The following NCKAP5 variants were observed in gnomAD, a reference collection of about 807,000 sequenced individuals.
The protein encoded by NCKAP5 is NCK associated protein 5.
In NCKAP5, 92 loss-of-function variants were observed where a neutral mutation model predicts 167.0. The observed-to-expected ratio is 0.55, with a 90% CI of 0.47 to 0.66. NCKAP5 has a LOEUF of 0.66. Ranked by LOEUF, NCKAP5 falls within the 30% of genes least tolerant of loss-of-function variation. The pLI, the probability that NCKAP5 is intolerant of heterozygous loss-of-function variation, is 0.00. For missense variants in NCKAP5, 2,378 were observed against 2,315.0 expected (o/e 1.03, Z -0.56); for synonymous variants, 891 against 877.4 (o/e 1.02, Z -0.27).
intron 2 of NCKAP5, among the ~76,000 whole-genome samples, chr2:133,521,464 G>C (rs1248466168): frequency 6.6e-6 from 1 of 152,240 alleles, no homozygotes; most frequent in Non-Finnish European, 1.5e-5. Flanking sequence ...ATATTAGTCA[G>C]CTTGAGCTGT....
At chr2:133,559,905 G>A (rs1688039328) in intron 1 of NCKAP5, among the ~76,000 whole-genome samples, 1 of 152,102 alleles carries the variant, frequency 6.6e-6, no homozygotes, top group Non-Finnish European at 1.5e-5. Flanking sequence ...AAACAAAAAG[G>A]CACATTACTA....
intron 10 of NCKAP5, among the ~76,000 whole-genome samples, chr2:132,865,039 C>A (rs986597189): frequency 1.3e-5 from 2 of 152,046 alleles, no homozygotes; most frequent in Non-Finnish European, 2.9e-5. Context: ...CTAATGGCCA[C>A]CAAAACCACC....
chr2:133,253,150 C>T (rs767495309), intron 4 of NCKAP5, among the ~76,000 whole-genome samples: 3 of 152,214 alleles, frequency 2.0e-5, no homozygotes, highest in Admixed American at 6.5e-5. Context: ...TTCCACTCAA[C>T]GATGCAAAGT....
At chr2:132,746,311 G>A (rs1679640196) in intron 16 of NCKAP5, among the ~76,000 whole-genome samples, 1 of 152,032 alleles carries the variant, frequency 6.6e-6, no homozygotes, top group African/African-American at 2.4e-5. Flanking sequence ...AAGAAAGATA[G>A]TGTTTCAACA....
chr2:133,541,834 G>C (rs756682213), intron 2 of NCKAP5, among the ~76,000 whole-genome samples: 3 of 152,028 alleles, frequency 2.0e-5, no homozygotes, highest in African/African-American at 7.2e-5. Flanking sequence ...GCTAGGCTGA[G>C]GACTAAGTCG....
intron 6 of NCKAP5, among the ~76,000 whole-genome samples, chr2:133,039,905 A>G (rs2079156901): frequency 1.3e-5 from 2 of 152,230 alleles, no homozygotes; most frequent in African/African-American, 4.8e-5. Context: ...TTACATATTA[A>G]TGAACCATAA....
chr2:133,562,258 A>T (rs538027927), intron 1 of NCKAP5, among the ~76,000 whole-genome samples: 9 of 152,220 alleles, frequency 5.9e-5, no homozygotes, highest in African/African-American at 2.2e-4. Flanking sequence ...CACATACTCA[A>T]TGTTTATATA....
chr2:133,430,046 G>A (rs1206639668), intron 3 of NCKAP5, among the ~76,000 whole-genome samples: 1 of 152,020 alleles, frequency 6.6e-6, no homozygotes. Flanking sequence ...TCTCATTGTG[G>A]TTTTGATTTC....
At chr2:133,011,660 T>C (rs2078164832) in intron 6 of NCKAP5, among the ~76,000 whole-genome samples, 1 of 152,212 alleles carries the variant, frequency 6.6e-6, no homozygotes, top group Non-Finnish European at 1.5e-5. Flanking sequence ...GAGCCTTCAT[T>C]ATCACACAGC....
At chr2:133,461,413 G>C (rs183589654) in intron 3 of NCKAP5, among the ~76,000 whole-genome samples, 45 of 152,088 alleles carry the variant, frequency 3.0e-4, no homozygotes, top group African/African-American at 1.0e-3. Flanking sequence ...TAACAGCTAC[G>C]CATTAGGGTA....
At chr2:133,245,117 T>G (rs1451141120) in intron 4 of NCKAP5, among the ~76,000 whole-genome samples, 1 of 152,052 alleles carries the variant, frequency 6.6e-6, no homozygotes, top group Non-Finnish European at 1.5e-5. Context: ...GGGGAACTGA[T>G]AGAACACGTG....
intron 5 of NCKAP5, among the ~76,000 whole-genome samples, chr2:133,210,198 C>T (rs115531613): frequency 0.014 from 515 of 36,734 alleles, 1 homozygote; most frequent in African/African-American, 0.079. Flanking sequence ...TATAATATAA[C>T]ATAATATAAT....
chr2:133,254,203 C>T (rs1284002882), intron 4 of NCKAP5, among the ~76,000 whole-genome samples: 4 of 152,168 alleles, frequency 2.6e-5, no homozygotes, highest in African/African-American at 9.7e-5. Flanking sequence ...AGAAGTGACA[C>T]AATGCCAGCT....
At chr2:133,223,594 C>T (rs1192611643) in intron 4 of NCKAP5, among the ~76,000 whole-genome samples, 2 of 152,032 alleles carry the variant, frequency 1.3e-5, no homozygotes, top group African/African-American at 2.4e-5. Context: ...CTTTTAGAGC[C>T]GCAACTCATA....
At chr2:132,734,572 G>T (rs867807685) in intron 16 of NCKAP5, among the ~76,000 whole-genome samples, 1 of 152,168 alleles carries the variant, frequency 6.6e-6, no homozygotes, top group African/African-American at 2.4e-5. Flanking sequence ...AGGGCAGGAC[G>T]TTAGGGGCGC....
At chr2:133,589,612 A>G in the NCKAP5 span, among the ~76,000 whole-genome samples, 1 of 152,206 alleles carries the variant, frequency 6.6e-6, no homozygotes, top group Non-Finnish European at 1.5e-5. Flanking sequence ...AAGTCCACAT[A>G]AATAAAGAAG....
At chr2:133,281,704 G>A (rs1352657599) in intron 4 of NCKAP5, among the ~76,000 whole-genome samples, 6 of 152,124 alleles carry the variant, frequency 3.9e-5, no homozygotes, top group Non-Finnish European at 8.8e-5. Context: ...AGGATATTTT[G>A]GAAGGATAGG....
chr2:133,049,913 G>T (rs982458767), intron 6 of NCKAP5, among the ~76,000 whole-genome samples: 2 of 152,200 alleles, frequency 1.3e-5, no homozygotes, highest in African/African-American at 4.8e-5. Context: ...CTGGTTCCAA[G>T]AAGTTCCAAA....
Position 133,185,012 on chromosome 2 carries a change from G to A in NCKAP5, c.207+28704C>T, listed in dbSNP as rs575885765. Among the ~76,000 whole-genome samples the A allele has an allele frequency of 3.3e-5, 5 of 152,038 alleles. No homozygotes were observed. In the South Asian group the frequency reaches 1.0e-3, roughly 32 times the overall value. ...TTATTTTGTTGCTTTTGCTTTTGGG[G>A]TCTTCATCTTAAATTCATTGCCTAG... On this transcript the variant is annotated intron_variant, in intron 5 of 19. Coordinates refer to ENST00000409261, the MANE Select transcript of NCKAP5 (RefSeq NM_207363.3).
Sources: allele counts gnomAD v4.1 joint callset (sites outside exome capture counted in the v4.1 genomes callset), GRCh38; gene constraint gnomAD v4.1.1; transcripts MANE v1.5; gene names NCBI Gene and HGNC (gene_info 2026-07-23, HGNC 2026-07-21).